AUTS2: variants seen among roughly 807,000 people sequenced by gnomAD.
AUTS2 encodes the protein activator of transcription and developmental regulator AUTS2.
A neutral mutation model predicts 112.4 loss-of-function variants in AUTS2; 17 were observed. The observed-to-expected ratio is 0.15, with a 90% CI of 0.10 to 0.23. The LOEUF is 0.23. Among genes scored for constraint, AUTS2 ranks in the 10% least tolerant of loss-of-function variants. The pLI, the probability that AUTS2 is intolerant of heterozygous loss-of-function variation, is 1.00. For synonymous variants in AUTS2, 751 were observed against 702.7 expected (o/e 1.07, Z -1.09); for missense variants, 1,510 against 1,701.6 (o/e 0.89, Z 1.98).
At chr7:70,574,845 C>T (rs1265197864) in intron 5 of AUTS2, among the ~76,000 whole-genome samples, 3 of 152,212 alleles carry the variant, frequency 2.0e-5, no homozygotes, top group African/African-American at 7.2e-5. Context: ...ATGGCCACCA[C>T]CACTAGCCCT....
intron 2 of AUTS2, among the ~76,000 whole-genome samples, chr7:69,937,006 C>G (rs899040075): frequency 6.6e-6 from 1 of 152,064 alleles, no homozygotes; most frequent in Admixed American, 6.6e-5. Flanking sequence ...ATCTTACTTT[C>G]CCTTCTCTCT....
At chr7:69,760,297 T>G (rs1234944090) in intron 1 of AUTS2, among the ~76,000 whole-genome samples, 17 of 149,820 alleles carry the variant, frequency 1.1e-4, no homozygotes, top group Admixed American at 1.1e-3. Flanking sequence ...AGCCTCCCAA[T>G]GTGCTAGGAT....
chr7:70,766,570 T>C lies in AUTS2; in HGVS notation c.1689+236T>C, dbSNP rs1413645876. Reference sequence around the variant, plus strand: ...ATCCAGCACTGCGGGCGGAAATGATTCCATCTGCCCTCAAAACAGTCATGT... The same window carrying C: ...ATCCAGCACTGCGGGCGGAAATGATCCCATCTGCCCTCAAAACAGTCATGT... On this transcript the variant is annotated intron_variant, in intron 9 of 18. Transcript: ENST00000342771. This position sits in a 1 kb window ranked among gnomAD's most constrained non-coding sequence, Gnocchi z 4.8. Among the ~76,000 whole-genome samples, 1 of 152,154 alleles carries C rather than the reference T, an allele frequency of 6.6e-6. No individual in the cohort carries two copies. Among genetic ancestry groups the C allele is most frequent in the Non-Finnish European group, 1.5e-5 (1 of 68,012 alleles).
chr7:70,122,195 G>A (rs1047324020), intron 3 of AUTS2, among the ~76,000 whole-genome samples: 3 of 152,172 alleles, frequency 2.0e-5, no homozygotes, highest in Non-Finnish European at 4.4e-5. Flanking sequence ...TGGAGAGTGG[G>A]AGGGAGGAAA....
intron 1 of AUTS2, among the ~76,000 whole-genome samples, chr7:69,805,368 G>A (rs1430407289): frequency 6.6e-6 from 1 of 152,144 alleles, no homozygotes; most frequent in East Asian, 1.9e-4. Context: ...CCATGGGGGA[G>A]GATAGTCAGA....
At chr7:70,348,484 C>G (rs1791596936) in intron 4 of AUTS2, among the ~76,000 whole-genome samples, 1 of 152,158 alleles carries the variant, frequency 6.6e-6, no homozygotes, top group Non-Finnish European at 1.5e-5. Flanking sequence ...TCTCACAATT[C>G]AGTGCTCAGC....
chr7:70,246,890 C>G (rs570789217), intron 4 of AUTS2, among the ~76,000 whole-genome samples: 3 of 151,792 alleles, frequency 2.0e-5, no homozygotes, highest in African/African-American at 7.2e-5. Flanking sequence ...TGGTTTTTCT[C>G]TATATGTTTT....
chr7:70,419,022 T>C (rs756135787), intron 4 of AUTS2, among the ~76,000 whole-genome samples: 1 of 152,154 alleles, frequency 6.6e-6, no homozygotes, highest in Non-Finnish European at 1.5e-5. Context: ...ACCCCCGTTT[T>C]ATTGATTAAA....
intron 1 of AUTS2, among the ~76,000 whole-genome samples, chr7:69,612,613 C>G (rs1001428648): frequency 1.3e-5 from 2 of 152,128 alleles, no homozygotes; most frequent in South Asian, 4.1e-4. Flanking sequence ...GCGCGTCTCA[C>G]CACGCCTGGC....
At chr7:70,033,458 G>A (rs543597935) in intron 2 of AUTS2, among the ~76,000 whole-genome samples, 1 of 152,236 alleles carries the variant, frequency 6.6e-6, no homozygotes, top group South Asian at 2.1e-4. Context: ...AAGCAGTGTG[G>A]GGCAAGATCT....
At chr7:70,777,706 CCAGGG>C (rs759741148) in intron 14 of AUTS2, among the ~76,000 whole-genome samples, 6 of 152,136 alleles carry the variant, frequency 3.9e-5, no homozygotes, top group Non-Finnish European at 8.8e-5. Flanking sequence ...TGATAATGCC[CCAGGG>C]TTTTGTTCCC....
chr7:70,781,717 C>A lies in AUTS2; in HGVS notation c.2107C>A (p.His703Asn). 1 of 1,614,234 alleles carries A rather than the reference C, an allele frequency of 6.2e-7. No homozygotes were observed. The highest frequency in any genetic ancestry group is 8.5e-7 in the Non-Finnish European group (1 of 1,180,046). The change falls in exon 15 of 19, where the codon CAT (histidine) becomes AAT (asparagine). Residue 703 changes from histidine (H) to asparagine (N), a missense_variant. His to Asn is a moderately conservative substitution (Grantham distance 68). This residue lies in a region of AUTS2 where 788 missense variants were observed against 797.6 expected (regional missense o/e 0.99). Coordinates refer to ENST00000342771, the MANE Select transcript of AUTS2 (RefSeq NM_015570.4). Reference sequence around the variant, plus strand: ...TCTTTTTGGAGCCATCCACCACCCCCATGACCTGGCACGGCCTTCAACTTT... The same window carrying A: ...TCTTTTTGGAGCCATCCACCACCCCAATGACCTGGCACGGCCTTCAACTTT... ...PSLFGAIHHP[H>N]DLARPSTLFS... is the part of the protein sequence containing the mutation.
At chr7:69,927,499 C>T (rs1013739559) in intron 2 of AUTS2, among the ~76,000 whole-genome samples, 13 of 152,232 alleles carry the variant, frequency 8.5e-5, no homozygotes, top group Middle Eastern at 3.4e-3. Flanking sequence ...GGTGTCACTT[C>T]GTCAGCCAGA....
chr7:70,781,883 G>T, intron 15 of AUTS2, 127 bp downstream of exon 15: 12 of 1,240,698 alleles, frequency 9.7e-6, no homozygotes, highest in Non-Finnish European at 1.3e-5. Flanking sequence ...ATGCCAGCTT[G>T]CAAGGCAACA....
intron 1 of AUTS2, among the ~76,000 whole-genome samples, chr7:69,722,526 G>A (rs1476648962): frequency 2.6e-5 from 4 of 152,040 alleles, no homozygotes; most frequent in African/African-American, 9.7e-5. Flanking sequence ...TTAAGAGCTG[G>A]AAATTTGCTA....
intron 5 of AUTS2, among the ~76,000 whole-genome samples, chr7:70,535,101 A>G (rs1392831753): frequency 2.0e-5 from 3 of 151,796 alleles, no homozygotes; most frequent in African/African-American, 7.3e-5. Context: ...TTCTGATGAT[A>G]CCTGGGCTAG....
rs531469251 is a variant in AUTS2, at chr7:69,984,790, A to G, written c.522+85292A>G. 5.3e-5 allele frequency among the ~76,000 whole-genome samples: 8 copies of G among 152,180 alleles called. No homozygotes were observed. The South Asian group carries it at 1.5e-3, about 28-fold the overall frequency. On this transcript the variant is annotated intron_variant, in intron 2 of 18. Transcript: ENST00000342771. ...ACACTTTCTGGAAACCCAGGTCCCC[A>G]TGTGCTTTAGCACTCTCTGTAATCA...
At chr7:70,378,321 A>T (rs1173239439) in intron 4 of AUTS2, among the ~76,000 whole-genome samples, 1 of 152,222 alleles carries the variant, frequency 6.6e-6, no homozygotes, top group Non-Finnish European at 1.5e-5. Context: ...GCATCTGCCA[A>T]TGTAACAACT....
chr7:70,608,385 G>A (rs1187590425), intron 5 of AUTS2, among the ~76,000 whole-genome samples: 1 of 152,176 alleles, frequency 6.6e-6, no homozygotes, highest in African/African-American at 2.4e-5. Context: ...GATTACAGGT[G>A]TGAGTCACTG....
Sources: gnomAD v4.1 joint callset for allele counts (sites outside exome capture counted in the v4.1 genomes callset) on GRCh38, gnomAD v4.1.1 for gene constraint, gnomAD v4.1.1 regional missense constraint, Gnocchi (gnomAD v3.1) non-coding constraint, MANE v1.5 for transcripts, NCBI Gene and HGNC (gene_info 2026-07-23, HGNC 2026-07-21) for gene names.